Variants in ASIC2 observed in about 807,000 individuals in gnomAD.
ASIC2 encodes the protein acid-sensing ion channel 2.
In ASIC2, 25 loss-of-function variants were observed where a neutral mutation model predicts 57.3. The ratio of observed to expected loss-of-function variants is 0.44; its 90% CI spans 0.32 to 0.61. The LOEUF is 0.61. Among genes scored for constraint, ASIC2 ranks in the 20% least tolerant of loss-of-function variants. ASIC2 has a pLI of 0.06. For missense variants in ASIC2, 641 were observed against 738.1 expected, an observed-to-expected ratio of 0.87 and a Z score of 1.52; for synonymous variants, 319 against 307.5, an observed-to-expected ratio of 1.04 and a Z score of -0.39.
At chr17:33,882,363 T>TGACAAAGGGCTAATATCCAGAATC (rs1914722383) in intron 1 of ASIC2, among the ~76,000 whole-genome samples, 1 of 152,210 alleles carries the variant, frequency 6.6e-6, no homozygotes, top group African/African-American at 2.4e-5. Flanking sequence ...TCTACTCATC[T>TGACAAAGGGCTAATATCCAGAATC]GACAAAGGGC....
At chr17:33,237,126 A>G (rs1908322884) in intron 1 of ASIC2, among the ~76,000 whole-genome samples, 1 of 152,186 alleles carries the variant, frequency 6.6e-6, no homozygotes, top group Non-Finnish European at 1.5e-5. Context: ...TGCTGAGGAC[A>G]GTGCTGCTGA....
chr17:34,040,714 G>A (rs925592350), intron 1 of ASIC2, among the ~76,000 whole-genome samples: 2 of 152,126 alleles, frequency 1.3e-5, no homozygotes, highest in South Asian at 2.1e-4. Flanking sequence ...GTAGTTTCCA[G>A]TGTCCTCACC....
chr17:33,578,925 G>C (rs879665810), intron 1 of ASIC2, among the ~76,000 whole-genome samples: 1 of 152,198 alleles, frequency 6.6e-6, no homozygotes, highest in Non-Finnish European at 1.5e-5. Flanking sequence ...GATGGGGTCA[G>C]AATTCTCTAG....
intron 1 of ASIC2, among the ~76,000 whole-genome samples, chr17:34,035,364 C>A (rs1259631937): frequency 3.4e-5 from 5 of 145,236 alleles, no homozygotes; most frequent in African/African-American, 1.3e-4. Flanking sequence ...TTCCTTACAC[C>A]TTATACAAAA....
chr17:33,061,069 G>A lies in ASIC2; in HGVS notation c.987+27794C>T, dbSNP rs373826688. Reference sequence around the variant, plus strand: ...GCTTAAGGAGATTTTGGGCTGAGACGATGGGGTTTTCTAGATATACAATCA... The same window carrying A: ...GCTTAAGGAGATTTTGGGCTGAGACAATGGGGTTTTCTAGATATACAATCA... On this transcript the variant is annotated intron_variant, in intron 3 of 9. Transcript: ENST00000225823. Among the ~76,000 whole-genome samples, 468 of 152,222 alleles carry A rather than the reference G, an allele frequency of 3.1e-3. 2 individuals carry two copies. The highest frequency in any genetic ancestry group is 9.4e-3 in the African/African-American group (389 of 41,538).
At chr17:33,836,895 A>C (rs1354162376) in intron 1 of ASIC2, among the ~76,000 whole-genome samples, 2 of 152,208 alleles carry the variant, frequency 1.3e-5, no homozygotes, top group African/African-American at 4.8e-5. Context: ...TCACAAAACA[A>C]AAAAGATGAA....
At chr17:33,207,351 T>C (rs1413584247) in intron 1 of ASIC2, among the ~76,000 whole-genome samples, 1 of 152,234 alleles carries the variant, frequency 6.6e-6, no homozygotes, top group Admixed American at 6.5e-5. Context: ...GCAAGTAAAG[T>C]CACTTGCTGA....
intron 1 of ASIC2, among the ~76,000 whole-genome samples, chr17:33,908,838 G>A (rs988715558): frequency 3.9e-5 from 6 of 152,178 alleles, no homozygotes; most frequent in African/African-American, 1.4e-4. Flanking sequence ...CTAACCCAGA[G>A]CTAAACCTCT....
chr17:33,369,760 G>A (rs1597702403), intron 1 of ASIC2, among the ~76,000 whole-genome samples: 2 of 152,180 alleles, frequency 1.3e-5, no homozygotes, highest in African/African-American at 4.8e-5. Context: ...CGGTGCTGAA[G>A]CCAATATTCT....
intron 1 of ASIC2, among the ~76,000 whole-genome samples, chr17:33,700,043 C>T (rs962996480): frequency 1.3e-5 from 2 of 152,182 alleles, no homozygotes; most frequent in African/African-American, 4.8e-5. Context: ...ATTTTGGCTA[C>T]CCTGAGACAA....
chr17:34,065,312 T>C (rs890461360), intron 1 of ASIC2, among the ~76,000 whole-genome samples: 9 of 152,134 alleles, frequency 5.9e-5, no homozygotes, highest in African/African-American at 1.9e-4. Flanking sequence ...CACTGATATG[T>C]AGGAGCTAAG....
chr17:33,686,708 T>A (rs1221502535), intron 1 of ASIC2, among the ~76,000 whole-genome samples: 1 of 152,214 alleles, frequency 6.6e-6, no homozygotes, highest in Non-Finnish European at 1.5e-5. Context: ...GCTCCTGGAA[T>A]TGGCCTTGTC....
chr17:33,523,217 C>A (rs949829760), intron 1 of ASIC2, among the ~76,000 whole-genome samples: 3 of 152,150 alleles, frequency 2.0e-5, no homozygotes, highest in Non-Finnish European at 2.9e-5. Context: ...AACTTTGTTT[C>A]TTGATTTCTA....
At chr17:33,032,141 A>T (rs539421118) in intron 3 of ASIC2, among the ~76,000 whole-genome samples, 3 of 152,136 alleles carry the variant, frequency 2.0e-5, no homozygotes, top group African/African-American at 7.2e-5. Flanking sequence ...TGAAGTTATC[A>T]TGTTGTTCTT....
At chr17:33,450,192 C>T (rs1159054608) in intron 1 of ASIC2, among the ~76,000 whole-genome samples, 3 of 152,190 alleles carry the variant, frequency 2.0e-5, no homozygotes, top group Non-Finnish European at 4.4e-5. Flanking sequence ...GTTTTGAAGA[C>T]ACTGGAACTT....
At chr17:33,776,102 C>T (rs1457171405) in intron 1 of ASIC2, among the ~76,000 whole-genome samples, 2 of 146,170 alleles carry the variant, frequency 1.4e-5, no homozygotes, top group African/African-American at 5.1e-5. Flanking sequence ...CACTACACTC[C>T]AGCTTATGTG....
At chr17:33,096,885 C>A (rs1349950316) in intron 2 of ASIC2, among the ~76,000 whole-genome samples, 1 of 152,196 alleles carries the variant, frequency 6.6e-6, no homozygotes, top group Non-Finnish European at 1.5e-5. Flanking sequence ...GCTTCAAGAA[C>A]AGCAAGGAGG....
intron 1 of ASIC2, among the ~76,000 whole-genome samples, chr17:33,436,941 C>G (rs1408524238): frequency 7.2e-6 from 1 of 138,364 alleles, no homozygotes; most frequent in Non-Finnish European, 1.5e-5. Flanking sequence ...TCTCGGCTCA[C>G]TGCAAGCTCC....
At chr17:33,357,526 C>A (rs111939186) in intron 1 of ASIC2, among the ~76,000 whole-genome samples, 4 of 152,166 alleles carry the variant, frequency 2.6e-5, no homozygotes, top group Non-Finnish European at 5.9e-5. Context: ...TCTCCCTGGG[C>A]ACCCAGCTAG....
Sources: allele counts gnomAD v4.1 joint callset (sites outside exome capture counted in the v4.1 genomes callset), GRCh38; gene constraint gnomAD v4.1.1; transcripts MANE v1.5; gene names NCBI Gene and HGNC (gene_info 2026-07-23, HGNC 2026-07-21).